Variants in GPC5 observed in about 807,000 individuals in gnomAD.
GPC5 encodes glypican 5.
A neutral mutation model predicts 53.9 loss-of-function variants in GPC5; 47 were observed. The ratio of observed to expected loss-of-function variants is 0.87; its 90% confidence interval spans 0.69 to 1.11. The LOEUF (loss-of-function observed/expected upper bound fraction) is 1.11, where lower values mean the gene tolerates loss of function less well. Among genes scored for constraint, GPC5 ranks in the 50% most tolerant of loss-of-function variants. The pLI is 0.00. For missense variants in GPC5, 748 were observed against 713.1 expected (o/e 1.05, Z -0.56); for synonymous variants, 286 against 263.3 (o/e 1.09, Z -0.84).
intron 7 of GPC5, among the ~76,000 whole-genome samples, chr13:92,793,026 C>T (rs1406846561): frequency 6.6e-6 from 1 of 152,112 alleles, no homozygotes; most frequent in East Asian, 1.9e-4. Context: ...AGCTCTGCAC[C>T]AAGCTGACCT....
intron 7 of GPC5, among the ~76,000 whole-genome samples, chr13:92,285,613 C>T (rs1192362556): frequency 1.3e-5 from 2 of 152,268 alleles, no homozygotes; most frequent in Non-Finnish European, 2.9e-5. Context: ...TGATCTTTGT[C>T]AAACCTGACA....
In GPC5 at chr13:92,456,232, G is replaced by A. The variant is rs553351129; in HGVS notation, c.1561+311243G>A. Among the ~76,000 whole-genome samples, 319 of 152,200 alleles carry A rather than the reference G, an allele frequency of 2.1e-3. 2 individuals carry two copies. Among genetic ancestry groups the A allele is most frequent in the Middle Eastern group, 6.8e-3 (2 of 294 alleles). On this transcript the variant is annotated intron_variant, in intron 7 of 7. Transcript: ENST00000377067. ...TATAATTTAGATTCTTAACACTAAG[G>A]AACATTGCCTAAAGGAGCACTTGCT...
intron 7 of GPC5, among the ~76,000 whole-genome samples, chr13:92,629,588 T>C (rs1156711308): frequency 1.3e-5 from 2 of 152,186 alleles, no homozygotes; most frequent in East Asian, 3.9e-4. Flanking sequence ...TTCGAATATA[T>C]AATCATGAGT....
intron 2 of GPC5, among the ~76,000 whole-genome samples, chr13:91,483,011 A>G (rs938536004): frequency 6.6e-6 from 1 of 152,120 alleles, no homozygotes; most frequent in African/African-American, 2.4e-5. Flanking sequence ...TAGACTTGCT[A>G]GTATTTTACC....
chr13:91,572,804 A>G (rs920684455), intron 2 of GPC5, among the ~76,000 whole-genome samples: 3 of 152,140 alleles, frequency 2.0e-5, no homozygotes, highest in African/African-American at 7.2e-5. Flanking sequence ...ACCTTATACC[A>G]GCAGAAATTT....
intron 7 of GPC5, among the ~76,000 whole-genome samples, chr13:92,452,561 G>T (rs1878105051): frequency 7.3e-6 from 1 of 137,776 alleles, no homozygotes; most frequent in African/African-American, 2.6e-5. Flanking sequence ...AAGGTATAAT[G>T]ATTACTCCAA....
intron 7 of GPC5, among the ~76,000 whole-genome samples, chr13:92,245,228 T>A (rs2042641849): frequency 6.6e-6 from 1 of 152,052 alleles, no homozygotes; most frequent in South Asian, 2.1e-4. Context: ...TGCATGCATG[T>A]TTCACTCTCA....
At chr13:91,622,073 G>T (rs2033876090) in intron 2 of GPC5, among the ~76,000 whole-genome samples, 1 of 151,996 alleles carries the variant, frequency 6.6e-6, no homozygotes, top group South Asian at 2.1e-4. Flanking sequence ...CAGCAAGTCT[G>T]CCCTTCCATC....
intron 2 of GPC5, among the ~76,000 whole-genome samples, chr13:91,590,875 C>T (rs2032771645): frequency 6.6e-6 from 1 of 152,082 alleles, no homozygotes; most frequent in Non-Finnish European, 1.5e-5. Flanking sequence ...TGAACCTCTC[C>T]TTAAAGTGAG....
intron 6 of GPC5, among the ~76,000 whole-genome samples, chr13:92,125,930 T>G (rs555323127): frequency 0.031 from 126 of 4,048 alleles, 7 homozygotes; most frequent in East Asian, 0.18. Flanking sequence ...TTTGGTTTTT[T>G]TTTTTTTTTT....
intron 5 of GPC5, among the ~76,000 whole-genome samples, chr13:91,891,947 C>G (rs1383393593): frequency 6.6e-6 from 1 of 152,022 alleles, no homozygotes; most frequent in Admixed American, 6.6e-5. Context: ...GTGACAAAAA[C>G]TTAGAACAAC....
chr13:91,532,892 T>C (rs1886415094), intron 2 of GPC5, among the ~76,000 whole-genome samples: 3 of 152,016 alleles, frequency 2.0e-5, no homozygotes, highest in African/African-American at 7.2e-5. Context: ...AATAAAATGA[T>C]ATAAAGTAAA....
At chr13:91,829,348 C>T (rs1406807390) in intron 5 of GPC5, among the ~76,000 whole-genome samples, 1 of 151,930 alleles carries the variant, frequency 6.6e-6, no homozygotes, top group Non-Finnish European at 1.5e-5. Context: ...GACAGTATGG[C>T]AACTAAATGC....
At position 92,455,732 on chromosome 13, in the gene GPC5, A is replaced by G. The variant is rs557288942; in HGVS notation, c.1561+310743A>G. On this transcript the variant is annotated intron_variant, in intron 7 of 7. Coordinates refer to ENST00000377067, the MANE Select transcript of GPC5 (RefSeq NM_004466.6). ...TATGTTTTTGTTAAAATTATGTTTT[A>G]AAGTTCATTTCTGAGCTATCAGCTA... Among the ~76,000 whole-genome samples the G allele has an allele frequency of 3.9e-5, 6 of 152,348 alleles. No individual in the cohort carries two copies. The South Asian group carries it at 1.2e-3, about 32-fold the overall frequency.
chr13:92,724,875 T>TACACACACACACACAC (rs58824655), intron 7 of GPC5, among the ~76,000 whole-genome samples: 2,419 of 137,662 alleles, frequency 0.018, 36 homozygotes, highest in Admixed American at 0.028. Flanking sequence ...GTCCTACACA[T>TACACACACACACACAC]ACACACACAC....
intron 7 of GPC5, among the ~76,000 whole-genome samples, chr13:92,745,134 A>G (rs2139317130): frequency 6.6e-6 from 1 of 152,244 alleles, no homozygotes; most frequent in Non-Finnish European, 1.5e-5. Flanking sequence ...TTTTAGCCCA[A>G]AATTTCATAT....
intron 6 of GPC5, among the ~76,000 whole-genome samples, chr13:92,019,342 AATAT>A (rs2040736696): frequency 6.6e-6 from 1 of 152,044 alleles, no homozygotes; most frequent in South Asian, 2.1e-4. Flanking sequence ...ATTGGTCTTT[AATAT>A]AGAAGACACA....
chr13:92,464,832 G>A (rs2139414600), intron 7 of GPC5, among the ~76,000 whole-genome samples: 1 of 151,550 alleles, frequency 6.6e-6, no homozygotes, highest in Admixed American at 6.6e-5. Context: ...CATTATTAGA[G>A]GAACTTTATA....
At chr13:91,584,583 CT>C (rs879256282) in intron 2 of GPC5, among the ~76,000 whole-genome samples, 189 of 146,420 alleles carry the variant, frequency 1.3e-3, no homozygotes, top group African/African-American at 2.5e-3. Context: ...AAACCAAGAA[CT>C]TTTTTTTTTT....
Sources: allele counts gnomAD v4.1 joint callset (sites outside exome capture counted in the v4.1 genomes callset), GRCh38; gene constraint gnomAD v4.1.1; transcripts MANE v1.5; gene names NCBI Gene and HGNC (gene_info 2026-07-23, HGNC 2026-07-21).